Variants in SHISA9 observed in about 807,000 individuals in gnomAD.
SHISA9 encodes the protein protein shisa-9.
A neutral mutation model predicts 38.0 loss-of-function variants in SHISA9; 13 were observed. The ratio of observed to expected loss-of-function variants is 0.34; its 90% CI spans 0.22 to 0.54. The LOEUF is 0.54. SHISA9 is among the 20% of genes least tolerant of loss of function. SHISA9 has a pLI of 0.91. For missense variants in SHISA9, 538 were observed against 575.8 expected, an observed-to-expected ratio of 0.93 and a Z score of 0.67; for synonymous variants, 275 against 242.0, an observed-to-expected ratio of 1.14 and a Z score of -1.27.
chr16:13,289,052 G>A, the SHISA9 span, among the ~76,000 whole-genome samples: 8,934 of 152,242 alleles, frequency 0.059, 376 homozygotes, highest in Non-Finnish European at 0.09. Context: ...GTCTTCAGGA[G>A]AGAGTGAGTG....
intron 2 of SHISA9, among the ~76,000 whole-genome samples, chr16:13,184,186 A>C (rs2050800421): frequency 6.6e-6 from 1 of 152,118 alleles, no homozygotes; most frequent in Non-Finnish European, 1.5e-5. Context: ...GATGGTTTTC[A>C]ATCTACTTAC....
chr16:13,255,591 G>A, the SHISA9 span, among the ~76,000 whole-genome samples: 1 of 152,206 alleles, frequency 6.6e-6, no homozygotes, highest in Non-Finnish European at 1.5e-5. Flanking sequence ...AGCTTGTGAT[G>A]TTAGGAGCTG....
intron 2 of SHISA9, among the ~76,000 whole-genome samples, chr16:13,130,466 C>G (rs1377348882): frequency 6.6e-6 from 1 of 152,118 alleles, no homozygotes; most frequent in Non-Finnish European, 1.5e-5. Flanking sequence ...GATACCATCC[C>G]TATCATTTAA....
At chr16:13,325,172 T>A in the SHISA9 span, among the ~76,000 whole-genome samples, 2 of 152,162 alleles carry the variant, frequency 1.3e-5, no homozygotes, top group Non-Finnish European at 2.9e-5. Context: ...GAATGCAAAT[T>A]TTCCCCCAGA....
chr16:13,486,030 C>G, the SHISA9 span, among the ~76,000 whole-genome samples: 3 of 152,168 alleles, frequency 2.0e-5, no homozygotes, highest in African/African-American at 7.2e-5. Context: ...TCTGCCTAGA[C>G]ACCCTTTCTC....
rs188459612 is a variant in SHISA9, at chr16:13,238,663, G to C, written c.*3254G>C. 1 of 152,034 alleles carries C rather than the reference G, an allele frequency of 6.6e-6. No individual in the cohort carries two copies. Among genetic ancestry groups the C allele is most frequent in the South Asian group, 2.1e-4 (1 of 4,820 alleles). 9.4% of individuals were successfully genotyped at this position (152,034 alleles called of 1,614,324 possible). A position where few individuals can be genotyped will look rare whatever the true frequency, so the allele number is the denominator to read the frequency against. Reference sequence around the variant, plus strand: ...CACAATGATGGCCCAAGAAGGACACGTACTTTCCAAGTAGTCCTGTCTAGG... The same window carrying C: ...CACAATGATGGCCCAAGAAGGACACCTACTTTCCAAGTAGTCCTGTCTAGG... On this transcript the variant is annotated 3_prime_UTR_variant, in exon 5 of 5. Coordinates refer to ENST00000558583, the MANE Select transcript of SHISA9 (RefSeq NM_001145204.3).
chr16:12,901,961 T>A lies in SHISA9; in HGVS notation c.-104T>A, dbSNP rs2141699530. On this transcript the variant is annotated 5_prime_UTR_variant, in exon 1 of 5. Transcript: ENST00000558583. ...CCCTGCATGTGCGGCCCGCGGCGGCTCGCAGCTCCCGGCAGCAGCCTCGGC... is the reference window on the plus strand; with the variant it reads ...CCCTGCATGTGCGGCCCGCGGCGGCACGCAGCTCCCGGCAGCAGCCTCGGC... 2 of 1,010,542 alleles carry A rather than the reference T, an allele frequency of 2.0e-6. No homozygotes were observed. The highest frequency in any genetic ancestry group is 7.1e-5 in the East Asian group (2 of 28,060). The allele number at this position is 1,010,542 out of a possible 1,614,324, so 62.6% of individuals were successfully genotyped here. A position where few individuals can be genotyped will look rare whatever the true frequency, so the allele number is the denominator to read the frequency against.
the SHISA9 span, among the ~76,000 whole-genome samples, chr16:13,373,734 C>T: frequency 6.8e-6 from 1 of 147,308 alleles, no homozygotes; most frequent in Non-Finnish European, 1.5e-5. Context: ...GCACTCCAGC[C>T]TGGGAGACAG....
the SHISA9 span, among the ~76,000 whole-genome samples, chr16:13,352,713 C>CA: frequency 6.7e-5 from 8 of 118,594 alleles, no homozygotes; most frequent in Non-Finnish European, 1.0e-4. Flanking sequence ...GGGGGGGGGG[C>CA]GGGGCGTTTT....
At position 13,100,486 on chromosome 16, in the gene SHISA9, G is replaced by A. The variant is rs372887549; in HGVS notation, c.692-102908G>A. On this transcript the variant is annotated intron_variant, in intron 2 of 4. Coordinates refer to ENST00000558583, the MANE Select transcript of SHISA9 (RefSeq NM_001145204.3). Reference sequence around the variant, plus strand: ...GTGTAGCAGGTTGCACAGGACTTGGGTCTGAATGTCCCTTTTTGCTCCTAT... The same window carrying A: ...GTGTAGCAGGTTGCACAGGACTTGGATCTGAATGTCCCTTTTTGCTCCTAT... 1.2e-4 allele frequency among the ~76,000 whole-genome samples: 19 copies of A among 152,254 alleles called. No homozygotes were observed. The South Asian group carries it at 2.3e-3, about 18-fold the overall frequency.
intron 2 of SHISA9, among the ~76,000 whole-genome samples, chr16:12,938,790 A>C (rs2071569496): frequency 2.6e-5 from 4 of 152,200 alleles, no homozygotes; most frequent in African/African-American, 9.6e-5. Context: ...GGCGTGAGCC[A>C]TTCTGCCTTT....
chr16:13,271,757 A>T, the SHISA9 span, among the ~76,000 whole-genome samples: 1 of 152,088 alleles, frequency 6.6e-6, no homozygotes, highest in South Asian at 2.1e-4. Flanking sequence ...CAAAATGAGG[A>T]TGAGGGATCT....
chr16:13,422,993 C>T, the SHISA9 span, among the ~76,000 whole-genome samples: 1 of 152,192 alleles, frequency 6.6e-6, no homozygotes, highest in East Asian at 1.9e-4. Context: ...AACTTGGATT[C>T]CTATCCTAAT....
chr16:13,277,948 C>T, the SHISA9 span, among the ~76,000 whole-genome samples: 2 of 151,912 alleles, frequency 1.3e-5, no homozygotes, highest in Middle Eastern at 3.2e-3. Flanking sequence ...ATGTCTACTA[C>T]TATGTTGAAG....
At chr16:13,182,508 C>G (rs1052413621) in intron 2 of SHISA9, among the ~76,000 whole-genome samples, 3 of 152,184 alleles carry the variant, frequency 2.0e-5, no homozygotes, top group Non-Finnish European at 2.9e-5. Flanking sequence ...TATAAGGGTT[C>G]TATTTTTCCT....
chr16:13,087,304 A>G (rs2073724387), intron 2 of SHISA9, among the ~76,000 whole-genome samples: 1 of 151,962 alleles, frequency 6.6e-6, no homozygotes, highest in Non-Finnish European at 1.5e-5. Flanking sequence ...GCGTGTGTCT[A>G]TAGTAGCATG....
At chr16:13,326,789 C>G in the SHISA9 span, among the ~76,000 whole-genome samples, 1 of 152,146 alleles carries the variant, frequency 6.6e-6, no homozygotes, top group Non-Finnish European at 1.5e-5. Context: ...ATATCATGTG[C>G]CTGTCCCTAT....
chr16:13,429,294 T>A, the SHISA9 span, among the ~76,000 whole-genome samples: 1 of 152,202 alleles, frequency 6.6e-6, no homozygotes, highest in Admixed American at 6.5e-5. Flanking sequence ...AAATGTATTG[T>A]CATACAGTTT....
At chr16:13,145,511 G>GA (rs1459598635) in intron 2 of SHISA9, among the ~76,000 whole-genome samples, 3 of 152,068 alleles carry the variant, frequency 2.0e-5, no homozygotes, top group Non-Finnish European at 4.4e-5. Context: ...TGGGCAACAA[G>GA]AGCGAAACAC....
Sources: gnomAD v4.1 joint callset for allele counts (sites outside exome capture counted in the v4.1 genomes callset) on GRCh38, gnomAD v4.1.1 for gene constraint, MANE v1.5 for transcripts, NCBI Gene and HGNC (gene_info 2026-07-23, HGNC 2026-07-21) for gene names.